CDH13: variants seen among roughly 807,000 people sequenced by gnomAD.
CDH13 encodes the protein cadherin 13, also known as cadherin-13.
A neutral mutation model predicts 63.8 loss-of-function variants in CDH13; 24 were observed. The observed-to-expected ratio is 0.38, with a 90% CI of 0.27 to 0.53. CDH13 has a LOEUF of 0.53. CDH13 is among the 20% of genes least tolerant of loss of function. The pLI, the probability that CDH13 is intolerant of heterozygous loss-of-function variation, is 0.85. For synonymous variants in CDH13, 503 were observed against 355.3 expected, an observed-to-expected ratio of 1.42 and a Z score of -4.67; for missense variants, 1,049 against 903.1, an observed-to-expected ratio of 1.16 and a Z score of -2.07.
intron 6 of CDH13, among the ~76,000 whole-genome samples, chr16:83,405,785 T>A (rs2092033513): frequency 6.6e-6 from 1 of 152,222 alleles, no homozygotes; most frequent in Non-Finnish European, 1.5e-5. Flanking sequence ...TTCTCCCAAA[T>A]TAGGTTTACA....
In CDH13 at chr16:83,358,286, C is replaced by T. The variant is rs114622621; in HGVS notation, c.781+13280C>T. ...GAGCCACCTCACCTAGGAAGAGTAC[C>T]CTGTATTCTCCTCCTACCACCTATT... On this transcript the variant is annotated intron_variant, in intron 6 of 13. Coordinates refer to ENST00000567109, the MANE Select transcript of CDH13 (RefSeq NM_001257.5). Among the ~76,000 whole-genome samples, 1,166 of 152,090 alleles carry T rather than the reference C, an allele frequency of 7.7e-3. 14 individuals are homozygous for T. Among genetic ancestry groups the T allele is most frequent in the African/African-American group, 0.027 (1,110 of 41,498 alleles).
At chr16:83,733,409 C>A (rs532934550) in intron 10 of CDH13, among the ~76,000 whole-genome samples, 1 of 152,186 alleles carries the variant, frequency 6.6e-6, no homozygotes, top group East Asian at 1.9e-4. Flanking sequence ...AATGCAGTCT[C>A]TATAGACGGT....
At chr16:83,336,300 C>CA (rs376325733) in intron 5 of CDH13, among the ~76,000 whole-genome samples, 6,573 of 48,754 alleles carry the variant, frequency 0.13, 214 homozygotes, top group Non-Finnish European at 0.19. Context: ...GACTCCATCT[C>CA]AAAAAAAAAA....
chr16:82,802,600 C>T (rs756688752), intron 1 of CDH13, among the ~76,000 whole-genome samples: 99 of 152,172 alleles, frequency 6.5e-4, no homozygotes, highest in Admixed American at 2.4e-3. Flanking sequence ...AGGGTTCATA[C>T]TCTGGGGCTT....
chr16:82,752,369 C>T, intron 1 of CDH13, among the ~76,000 whole-genome samples: 1 of 152,154 alleles, frequency 6.6e-6, no homozygotes, highest in Non-Finnish European at 1.5e-5. Flanking sequence ...GGTGCACTGC[C>T]TTGTGCTGAC....
intron 1 of CDH13, among the ~76,000 whole-genome samples, chr16:82,788,953 C>T (rs1434635905): frequency 6.6e-6 from 1 of 152,194 alleles, no homozygotes; most frequent in East Asian, 1.9e-4. Context: ...TAGAGGTGAG[C>T]TTCCGGGCTG....
intron 7 of CDH13, among the ~76,000 whole-genome samples, chr16:83,496,262 C>G (rs1340425837): frequency 1.4e-5 from 2 of 148,084 alleles, no homozygotes; most frequent in African/African-American, 2.5e-5. Context: ...TCAAACTATA[C>G]TACAAGGCTA....
intron 1 of CDH13, among the ~76,000 whole-genome samples, chr16:82,642,854 C>G (rs1391385552): frequency 6.6e-6 from 1 of 152,172 alleles, no homozygotes; most frequent in African/African-American, 2.4e-5. Flanking sequence ...AATCCCATTT[C>G]ATAGGTGGGG....
intron 7 of CDH13, among the ~76,000 whole-genome samples, chr16:83,594,812 A>G (rs1393131940): frequency 6.6e-6 from 1 of 152,256 alleles, no homozygotes; most frequent in Non-Finnish European, 1.5e-5. Flanking sequence ...GTAGCTGTGC[A>G]AAACGTCGAG....
intron 1 of CDH13, among the ~76,000 whole-genome samples, chr16:82,766,020 T>C (rs2035042183): frequency 6.6e-6 from 1 of 152,166 alleles, no homozygotes; most frequent in Admixed American, 6.5e-5. Context: ...CTACAGCAAC[T>C]CTTTATATTC....
chr16:83,065,266 A>T (rs969103151), intron 3 of CDH13, among the ~76,000 whole-genome samples: 4 of 152,224 alleles, frequency 2.6e-5, no homozygotes, highest in African/African-American at 9.6e-5. Flanking sequence ...AAGGTAGAAG[A>T]AAAACCAGGA....
At position 83,426,297 on chromosome 16, in the gene CDH13, C is replaced by T. The variant is rs189188453; in HGVS notation, c.782-60180C>T. 1.6e-3 allele frequency among the ~76,000 whole-genome samples: 243 copies of T among 152,176 alleles called. 2 individuals are homozygous for T. Among genetic ancestry groups the T allele is most frequent in the African/African-American group, 5.7e-3 (237 of 41,526 alleles). ...TCAGCATTTGAGTGATTTCTGCATC[C>T]GATTTGAAGGGTCAGTTTCTTGGTT... is the stretch of plus-strand genomic sequence containing the variant. On this transcript the variant is annotated intron_variant, in intron 6 of 13. Transcript: ENST00000567109.
intron 3 of CDH13, among the ~76,000 whole-genome samples, chr16:83,034,403 T>A (rs762201605): frequency 6.6e-6 from 1 of 152,184 alleles, no homozygotes; most frequent in African/African-American, 2.4e-5. Flanking sequence ...CAGTCATGTT[T>A]CAGAGGAAAC....
chr16:83,466,127 A>G (rs112060103), intron 6 of CDH13, among the ~76,000 whole-genome samples: 7 of 152,264 alleles, frequency 4.6e-5, no homozygotes, highest in African/African-American at 1.7e-4. Flanking sequence ...GTTCTTCCCC[A>G]AGACCCATCA....
intron 11 of CDH13, among the ~76,000 whole-genome samples, chr16:83,750,522 G>T (rs890403917): frequency 6.6e-6 from 1 of 152,176 alleles, no homozygotes; most frequent in African/African-American, 2.4e-5. Flanking sequence ...TTATTTGGAA[G>T]CAGGCTTGTT....
At position 83,702,268 on chromosome 16, in the gene CDH13, GTAA is replaced by G. The variant is rs565616637; in HGVS notation, c.1538+23813_1538+23815del. On this transcript the variant is annotated intron_variant, in intron 10 of 13. Transcript: ENST00000567109. ...CTCATGAGTGTGCTAGTTAGGATAA[GTAA>G]TAATAGCTTCTGTGATAGATAACCC... Among the ~76,000 whole-genome samples the G allele has an allele frequency of 4.6e-3, 706 of 152,252 alleles. 3 individuals are homozygous for G. Among genetic ancestry groups the G allele is most frequent in the African/African-American group, 0.016 (646 of 41,546 alleles).
chr16:82,853,871 A>G (rs2039587666), intron 1 of CDH13, among the ~76,000 whole-genome samples: 1 of 152,224 alleles, frequency 6.6e-6, no homozygotes, highest in Admixed American at 6.5e-5. Flanking sequence ...GAAAATTTAC[A>G]GAGGATTTGG....
At chr16:83,189,333 C>G (rs1456987499) in intron 4 of CDH13, among the ~76,000 whole-genome samples, 3 of 152,192 alleles carry the variant, frequency 2.0e-5, no homozygotes, top group Non-Finnish European at 2.9e-5. Context: ...CTCCCTGGGA[C>G]TTGCTGCAGA....
At chr16:83,362,164 C>A (rs1236975660) in intron 6 of CDH13, among the ~76,000 whole-genome samples, 2 of 152,186 alleles carry the variant, frequency 1.3e-5, no homozygotes, top group Non-Finnish European at 2.9e-5. Context: ...AATCTGGTTT[C>A]TTCCAAAGTG....
Sources: gnomAD v4.1 joint callset for allele counts (sites outside exome capture counted in the v4.1 genomes callset) on GRCh38, gnomAD v4.1.1 for gene constraint, MANE v1.5 for transcripts, NCBI Gene and HGNC (gene_info 2026-07-23, HGNC 2026-07-21) for gene names.